The following SEL1L3 variants were observed in gnomAD, a reference collection of about 807,000 sequenced individuals.
The protein encoded by SEL1L3 is protein sel-1 homolog 3.
A neutral mutation model predicts 142.8 loss-of-function variants in SEL1L3; 76 were observed. The observed-to-expected ratio is 0.53, with a 90% CI of 0.44 to 0.64. The LOEUF is 0.64. Among genes scored for constraint, SEL1L3 ranks in the 30% least tolerant of loss-of-function variants. SEL1L3 has a pLI of 0.00. For synonymous variants in SEL1L3, 504 were observed against 519.6 expected (o/e 0.97, Z 0.41); for missense variants, 1,262 against 1,381.7 (o/e 0.91, Z 1.37).
At chr4:25,790,672 G>GAGGAAGGA (rs1712256596) in intron 11 of SEL1L3, 98 bp from the exon 12 acceptor site, 1 of 32,682 alleles carries the variant, frequency 3.1e-5, no homozygotes, top group East Asian at 1.0e-3. Context: ...GGAAGGGAGG[G>GAGGAAGGA]AGGGAGGGAG....
chr4:25,841,332 C>T (rs1319254501), intron 2 of SEL1L3, among the ~76,000 whole-genome samples: 1 of 152,186 alleles, frequency 6.6e-6, no homozygotes, highest in African/African-American at 2.4e-5. Flanking sequence ...CTGCACCCAG[C>T]CCCTCCTTTT....
At chr4:25,802,705 C>A (rs769635197) in intron 10 of SEL1L3, among the ~76,000 whole-genome samples, 2 of 152,116 alleles carry the variant, frequency 1.3e-5, no homozygotes, top group Non-Finnish European at 2.9e-5. Flanking sequence ...CCTCAGCCTC[C>A]GGAGTAGCTG....
chr4:25,843,428 C>A (rs115809220), intron 2 of SEL1L3, among the ~76,000 whole-genome samples: 1 of 152,126 alleles, frequency 6.6e-6, no homozygotes, highest in Non-Finnish European at 1.5e-5. Flanking sequence ...CACATACAGC[C>A]AGCACTAGGT....
At chr4:25,853,789 A>G (rs1476116907) in intron 1 of SEL1L3, among the ~76,000 whole-genome samples, 1 of 147,894 alleles carries the variant, frequency 6.8e-6, no homozygotes, top group Non-Finnish European at 1.5e-5. Context: ...CTCCTGCCTC[A>G]GCCTCCTGAG....
chr4:25,746,272 C>T (rs1433952217), downstream of SEL1L3, among the ~76,000 whole-genome samples: 2 of 151,720 alleles, frequency 1.3e-5, no homozygotes, highest in African/African-American at 4.8e-5. Flanking sequence ...AATCCCAGCA[C>T]TTTGGGAGGC....
At chr4:25,836,986 C>A (rs2109292330) in intron 2 of SEL1L3, among the ~76,000 whole-genome samples, 1 of 152,192 alleles carries the variant, frequency 6.6e-6, no homozygotes, top group African/African-American at 2.4e-5. Context: ...TCCCCAGTAG[C>A]CACAAATCTT....
At chr4:25,816,615 C>T (rs547956214) in intron 9 of SEL1L3, among the ~76,000 whole-genome samples, 3 of 152,170 alleles carry the variant, frequency 2.0e-5, no homozygotes, top group African/African-American at 7.2e-5. Flanking sequence ...CCATTCACTG[C>T]CACCAGAGTG....
chr4:25,787,310 G>A (rs1711916765), intron 13 of SEL1L3, among the ~76,000 whole-genome samples: 1 of 152,194 alleles, frequency 6.6e-6, no homozygotes, highest in Non-Finnish European at 1.5e-5. Context: ...CACTCAATCA[G>A]TGTGAACTAT....
At position 25,764,161 on chromosome 4, in the gene SEL1L3, C is replaced by T. The variant is rs933724531; in HGVS notation, c.2955+1165G>A. On this transcript the variant is annotated intron_variant, in intron 20 of 23. Transcript: ENST00000399878. ...GAGAAAACAGAAGACAGACCCAAAT[C>T]AACAGACATTCTACAAGGTACCTAA... Among the ~76,000 whole-genome samples the T allele has an allele frequency of 3.3e-5, 5 of 152,306 alleles. No individual in the cohort carries two copies. In the Middle Eastern group the frequency reaches 0.01, roughly 311 times the overall value.
At chr4:25,757,070 C>A in intron 23 of SEL1L3, among the ~76,000 whole-genome samples, 1 of 152,098 alleles carries the variant, frequency 6.6e-6, no homozygotes, top group Non-Finnish European at 1.5e-5. Flanking sequence ...GAATTCGAGA[C>A]CAGCCTGGCC....
At chr4:25,835,914 C>A (rs1226112769) in intron 2 of SEL1L3, among the ~76,000 whole-genome samples, 2 of 152,212 alleles carry the variant, frequency 1.3e-5, no homozygotes, top group South Asian at 2.1e-4. Context: ...CATTTCACAA[C>A]AAACTATGAA....
chr4:25,862,382 G>T (rs1276502266), intron 1 of SEL1L3, among the ~76,000 whole-genome samples: 2 of 152,054 alleles, frequency 1.3e-5, no homozygotes, highest in South Asian at 4.2e-4. Context: ...CCCGGGTGGA[G>T]TCGAGGACAA....
intron 1 of SEL1L3, among the ~76,000 whole-genome samples, chr4:25,859,874 A>G (rs1717572340): frequency 6.6e-6 from 1 of 152,210 alleles, no homozygotes; most frequent in Admixed American, 6.5e-5. Context: ...CCTGCTTTGT[A>G]TATTTTAGAT....
At chr4:25,778,828 G>A (rs998593023) in intron 16 of SEL1L3, among the ~76,000 whole-genome samples, 5 of 152,142 alleles carry the variant, frequency 3.3e-5, no homozygotes, top group African/African-American at 1.2e-4. Flanking sequence ...ATTCATTCTA[G>A]GGAGCAGAAA....
At chr4:25,805,160 T>C (rs1332177120) in intron 9 of SEL1L3, among the ~76,000 whole-genome samples, 2 of 152,188 alleles carry the variant, frequency 1.3e-5, no homozygotes, top group African/African-American at 2.4e-5. Context: ...CTCTAAAAAG[T>C]TGAGCAAAAG....
At chr4:25,786,935 G>A (rs761284614) in intron 13 of SEL1L3, among the ~76,000 whole-genome samples, 1 of 152,222 alleles carries the variant, frequency 6.6e-6, no homozygotes, top group African/African-American at 2.4e-5. Context: ...GGCCACAGCT[G>A]TGTTCTGGAG....
chr4:25,767,670 G>A, intron 18 of SEL1L3, 61 bp from the exon 19 acceptor site: 1 of 1,469,248 alleles, frequency 6.8e-7, no homozygotes. Flanking sequence ...GACCAACGTT[G>A]CCTCCATAAA....
intron 1 of SEL1L3, among the ~76,000 whole-genome samples, chr4:25,851,039 T>C (rs1305091878): frequency 6.6e-6 from 1 of 151,998 alleles, no homozygotes; most frequent in Non-Finnish European, 1.5e-5. Flanking sequence ...TTAGTAGAGA[T>C]GGGGTTTCAC....
At chr4:25,722,309 G>T in the SEL1L3 span, among the ~76,000 whole-genome samples, 1 of 152,124 alleles carries the variant, frequency 6.6e-6, no homozygotes, top group Non-Finnish European at 1.5e-5. Flanking sequence ...ACCTTCACAA[G>T]ATAAATTTAT....
Sources: allele counts gnomAD v4.1 joint callset (sites outside exome capture counted in the v4.1 genomes callset), GRCh38; gene constraint gnomAD v4.1.1; transcripts MANE v1.5; gene names NCBI Gene and HGNC (gene_info 2026-07-23, HGNC 2026-07-21).